The following FNIP1 variants were observed in gnomAD, a reference collection of about 807,000 sequenced individuals.
FNIP1 encodes folliculin-interacting protein 1.
Under a neutral mutation model 124.5 loss-of-function variants are expected in FNIP1, and 40 were observed. The ratio of observed to expected loss-of-function variants is 0.32; its 90% CI spans 0.25 to 0.42. The LOEUF (loss-of-function observed/expected upper bound fraction) is 0.42, where lower values mean the gene tolerates loss of function less well. FNIP1 is among the 10% of genes least tolerant of loss of function. FNIP1 has a pLI of 1.00. For missense variants in FNIP1, 1,176 were observed against 1,403.7 expected, an observed-to-expected ratio of 0.84 and a Z score of 2.59; for synonymous variants, 472 against 470.6, an observed-to-expected ratio of 1.00 and a Z score of -0.04.
At chr5:131,773,964 G>T (rs1771723417) in intron 1 of FNIP1, among the ~76,000 whole-genome samples, 1 of 152,106 alleles carries the variant, frequency 6.6e-6, no homozygotes, top group African/African-American at 2.4e-5. Context: ...GAGGGAGCAG[G>T]GGGAGGATGT....
chr5:131,745,496 G>A (rs962965619), intron 1 of FNIP1, among the ~76,000 whole-genome samples: 2 of 151,720 alleles, frequency 1.3e-5, no homozygotes, highest in Admixed American at 6.6e-5. Context: ...CTCCACCCTG[G>A]GTGACAGAAT....
chr5:131,679,173 G>C lies in FNIP1; in HGVS notation c.1205C>G (p.Thr402Arg). 6.4e-7 allele frequency: 1 copy of C among 1,551,088 alleles called. No homozygotes were observed. Among genetic ancestry groups the C allele is most frequent in the Non-Finnish European group, 8.9e-7 (1 of 1,125,462 alleles). ...CATCGTGTAAAGATTACAAATTGTT[G>C]TTCTAAAAAGAGGAAGACACATTAT... ...RIVDALNEFR[T>R]TICNLYTMPR... The change falls in exon 12 of 18, where the codon ACA becomes AGA. Residue 402 changes from threonine (T) to arginine (R), a missense_variant and splice_region_variant. Transcript: ENST00000510461.
At chr5:131,662,718 T>C (rs1459215076) in intron 15 of FNIP1, among the ~76,000 whole-genome samples, 1 of 150,834 alleles carries the variant, frequency 6.6e-6, no homozygotes, top group Non-Finnish European at 1.5e-5. Context: ...TGAACTACCT[T>C]TGGAGATATT....
chr5:131,648,673 A>G (rs1766960228), intron 16 of FNIP1, among the ~76,000 whole-genome samples: 1 of 152,208 alleles, frequency 6.6e-6, no homozygotes, highest in Admixed American at 6.5e-5. Flanking sequence ...TTTACAGTAT[A>G]TAATTATATA....
rs1258898369 is a variant in FNIP1, at chr5:131,641,723, CAT to C, written c.*2960_*2961del. The C allele has an allele frequency of 1.3e-5, 2 of 152,694 alleles. No homozygotes were observed. The highest frequency in any genetic ancestry group is 4.8e-5 in the African/African-American group (2 of 41,416). 9.5% of individuals were successfully genotyped at this position (152,694 alleles called of 1,614,324 possible). On this transcript the variant is annotated 3_prime_UTR_variant, in exon 18 of 18. Transcript: ENST00000510461. ...AGACCAACACCATCCATCAAGTTGA[CAT>C]GTGTATTTATTGCACAAATATCCCC...
intron 2 of FNIP1, among the ~76,000 whole-genome samples, chr5:131,732,876 A>G (rs181769979): frequency 3.3e-5 from 5 of 152,216 alleles, no homozygotes; most frequent in East Asian, 3.9e-4. Context: ...AAAGTCATTG[A>G]TAGCTTGATG....
chr5:131,779,373 A>T (rs1356247469), intron 1 of FNIP1, among the ~76,000 whole-genome samples: 2 of 152,102 alleles, frequency 1.3e-5, no homozygotes, highest in Non-Finnish European at 2.9e-5. Context: ...ATATTCAAGG[A>T]TGTATACATG....
intron 3 of FNIP1, among the ~76,000 whole-genome samples, chr5:131,728,814 GTATT>G (rs1769980732): frequency 6.6e-6 from 1 of 152,150 alleles, no homozygotes; most frequent in Admixed American, 6.5e-5. Flanking sequence ...CTCACTTCGT[GTATT>G]TATCTATCTT....
At chr5:131,788,051 A>C (rs1319582177) in intron 1 of FNIP1, among the ~76,000 whole-genome samples, 1 of 152,180 alleles carries the variant, frequency 6.6e-6, no homozygotes, top group Admixed American at 6.5e-5. Context: ...AGTAATGGAA[A>C]AGTTTCAAGA....
chr5:131,733,287 A>C (rs548818314), intron 2 of FNIP1, among the ~76,000 whole-genome samples: 1 of 152,116 alleles, frequency 6.6e-6, no homozygotes. Flanking sequence ...GGGACAATTT[A>C]ACTTCCTCTT....
intron 1 of FNIP1, among the ~76,000 whole-genome samples, chr5:131,746,794 T>C (rs1031157061): frequency 3.9e-5 from 6 of 152,216 alleles, no homozygotes; most frequent in Non-Finnish European, 8.8e-5. Flanking sequence ...ATATACTCAG[T>C]AATGTGATCG....
intron 1 of FNIP1, among the ~76,000 whole-genome samples, chr5:131,781,866 T>C (rs940627642): frequency 1.3e-5 from 2 of 151,862 alleles, no homozygotes; most frequent in African/African-American, 4.8e-5. Flanking sequence ...AAAAAAGAAA[T>C]ACATTTTAGG....
chr5:131,773,627 C>A (rs1341562434), intron 1 of FNIP1, among the ~76,000 whole-genome samples: 1 of 152,184 alleles, frequency 6.6e-6, no homozygotes, highest in East Asian at 1.9e-4. Flanking sequence ...TGTTTATGCA[C>A]ATCATTATTC....
At chr5:131,713,779 T>C (rs1769378533) in intron 6 of FNIP1, among the ~76,000 whole-genome samples, 1 of 152,230 alleles carries the variant, frequency 6.6e-6, no homozygotes, top group East Asian at 1.9e-4. Flanking sequence ...AATTAGCTAA[T>C]CTGGTCCACT....
At chr5:131,773,701 A>G (rs539247635) in intron 1 of FNIP1, among the ~76,000 whole-genome samples, 4 of 152,332 alleles carry the variant, frequency 2.6e-5, no homozygotes, top group Middle Eastern at 3.4e-3. Context: ...ATAATATAGT[A>G]TGTGCTACTA....
rs151253736 is a variant in FNIP1, at chr5:131,715,343, G to A, written c.622+1222C>T. On this transcript the variant is annotated intron_variant, in intron 6 of 17. Transcript: ENST00000510461. ...TCTATTAAAAATACAAAAATCAGCCGGGTGTGATGGCGCGTGCCTGCAGTC... is the reference window on the plus strand; with the variant it reads ...TCTATTAAAAATACAAAAATCAGCCAGGTGTGATGGCGCGTGCCTGCAGTC... Among the ~76,000 whole-genome samples, 536 of 152,140 alleles carry A rather than the reference G, an allele frequency of 3.5e-3. 6 individuals carry two copies. Among genetic ancestry groups the A allele is most frequent in the African/African-American group, 0.012 (488 of 41,512 alleles).
rs1771716508 is a variant in FNIP1 at position 131,773,732 on chromosome 5, G to T, written c.92+23098C>A. 2.0e-5 allele frequency among the ~76,000 whole-genome samples: 3 copies of T among 152,052 alleles called. No homozygotes were observed. In the South Asian group the frequency reaches 6.2e-4, roughly 31 times the overall value. ...TACTATATTAGAAATTTAATATTCT[G>T]ACAACTATCTCAACATAAGTTTACT... On this transcript the variant is annotated intron_variant, in intron 1 of 17. Transcript: ENST00000510461.
intron 16 of FNIP1, among the ~76,000 whole-genome samples, chr5:131,647,757 G>T (rs911150090): frequency 6.6e-6 from 1 of 152,030 alleles, no homozygotes; most frequent in Admixed American, 6.6e-5. Flanking sequence ...TTACAAGTGT[G>T]AGCCACCATG....
chr5:131,764,775 T>G (rs867399582), intron 1 of FNIP1, among the ~76,000 whole-genome samples: 1 of 152,132 alleles, frequency 6.6e-6, no homozygotes, highest in South Asian at 2.1e-4. Context: ...CTCAATATTT[T>G]TGTAGAATCG....
Sources: allele counts gnomAD v4.1 joint callset (sites outside exome capture counted in the v4.1 genomes callset), GRCh38; gene constraint gnomAD v4.1.1; transcripts MANE v1.5; gene names NCBI Gene and HGNC (gene_info 2026-07-23, HGNC 2026-07-21).